The following ITPKB variants were observed in gnomAD, a reference collection of about 807,000 sequenced individuals.
ITPKB encodes the protein IP3 3-kinase B.
ITPKB carries 13 observed loss-of-function variants against 69.4 expected under a neutral mutation model. The observed-to-expected ratio is 0.19, with a 90% CI of 0.12 to 0.30. The LOEUF (loss-of-function observed/expected upper bound fraction) is 0.30, where lower values mean the gene tolerates loss of function less well. ITPKB is among the 10% of genes least tolerant of loss of function. The pLI, the probability that ITPKB is intolerant of heterozygous loss-of-function variation, is 1.00. For synonymous variants in ITPKB, 584 were observed against 513.7 expected (o/e 1.14, Z -1.85); for missense variants, 1,240 against 1,250.5 (o/e 0.99, Z 0.13).
chr1:226,660,787 G>A (rs1490248557), intron 2 of ITPKB, among the ~76,000 whole-genome samples: 1 of 152,234 alleles, frequency 6.6e-6, no homozygotes, highest in East Asian at 1.9e-4. Context: ...GCACGAGGCG[G>A]ATGGGCAGCC....
intron 2 of ITPKB, among the ~76,000 whole-genome samples, chr1:226,682,619 C>A (rs887351363): frequency 5.9e-5 from 9 of 152,160 alleles, no homozygotes; most frequent in African/African-American, 1.9e-4. Context: ...CCATAAGTGA[C>A]ACTTATGATT....
At chr1:226,653,416 G>C (rs1024348308) in intron 2 of ITPKB, among the ~76,000 whole-genome samples, 1 of 152,238 alleles carries the variant, frequency 6.6e-6, no homozygotes, top group Non-Finnish European at 1.5e-5. Flanking sequence ...CAGCCAGGGT[G>C]CCAGCCCAGT....
chr1:226,653,596 G>A lies in ITPKB; in HGVS notation c.1933-4825C>T, dbSNP rs910137182. 1.7e-4 allele frequency among the ~76,000 whole-genome samples: 26 copies of A among 152,358 alleles called. 1 individual carries two copies. Among genetic ancestry groups the A allele is most frequent in the African/African-American group, 6.3e-4 (26 of 41,580 alleles). ...CTCTCCCATGTGTCAGATCAGAGCA[G>A]CCAGACACTTCTAGACTCCGGATGG... On this transcript the variant is annotated intron_variant, in intron 2 of 7. Transcript: ENST00000429204.
At chr1:226,704,479 G>C (rs1410688218) in intron 2 of ITPKB, among the ~76,000 whole-genome samples, 1 of 152,196 alleles carries the variant, frequency 6.6e-6, no homozygotes, top group African/African-American at 2.4e-5. Context: ...AACTCAGCTA[G>C]TTTATTTCCT....
At chr1:226,713,153 G>A (rs973528159) in intron 2 of ITPKB, among the ~76,000 whole-genome samples, 31 of 152,236 alleles carry the variant, frequency 2.0e-4, no homozygotes, top group African/African-American at 7.0e-4. Context: ...TAAGACACCA[G>A]AGGTGAGGAG....
chr1:226,710,363 C>A (rs1190262645), intron 2 of ITPKB, among the ~76,000 whole-genome samples: 2 of 152,158 alleles, frequency 1.3e-5, no homozygotes, highest in African/African-American at 4.8e-5. Flanking sequence ...GGGCCCAGTG[C>A]AAAGTAAAAA....
chr1:226,702,966 A>G (rs1656703986), intron 2 of ITPKB, among the ~76,000 whole-genome samples: 1 of 152,192 alleles, frequency 6.6e-6, no homozygotes, highest in Non-Finnish European at 1.5e-5. Flanking sequence ...GGAAAATCTG[A>G]GCTGGTGTAA....
intron 7 of ITPKB, among the ~76,000 whole-genome samples, chr1:226,636,791 T>TGTGA (rs60188249): frequency 7.0e-5 from 10 of 142,408 alleles, no homozygotes; most frequent in African/African-American, 2.7e-4. Flanking sequence ...TGTGTGTGTG[T>TGTGA]GTGAGACTGG....
At chr1:226,655,812 G>C (rs1179935168) in intron 2 of ITPKB, among the ~76,000 whole-genome samples, 1 of 152,312 alleles carries the variant, frequency 6.6e-6, no homozygotes, top group East Asian at 1.9e-4. Context: ...GTGCAATTTG[G>C]GGTGGGTAGA....
At chr1:226,705,903 A>G (rs1239949276) in intron 2 of ITPKB, among the ~76,000 whole-genome samples, 1 of 152,238 alleles carries the variant, frequency 6.6e-6, no homozygotes, top group Non-Finnish European at 1.5e-5. Context: ...AGTGCTGGGA[A>G]AGCACTTGTA....
At chr1:226,709,179 GA>G (rs1261534108) in intron 2 of ITPKB, among the ~76,000 whole-genome samples, 3 of 152,226 alleles carry the variant, frequency 2.0e-5, no homozygotes, top group African/African-American at 7.2e-5. Context: ...AGAGCTGCCA[GA>G]AAAAGTACAG....
At chr1:226,732,015 A>G (rs550591944) in intron 2 of ITPKB, among the ~76,000 whole-genome samples, 8 of 151,296 alleles carry the variant, frequency 5.3e-5, no homozygotes, top group African/African-American at 1.9e-4. Context: ...ACCACATAAA[A>G]CCATGTTAAA....
chr1:226,635,345 C>G (rs112056490), intron 7 of ITPKB, among the ~76,000 whole-genome samples: 3 of 152,144 alleles, frequency 2.0e-5, no homozygotes, highest in Non-Finnish European at 4.4e-5. Flanking sequence ...CACAGCCTCC[C>G]GAGTAGTTGG....
At chr1:226,725,593 T>G (rs533478003) in intron 2 of ITPKB, among the ~76,000 whole-genome samples, 17 of 152,116 alleles carry the variant, frequency 1.1e-4, no homozygotes, top group Admixed American at 1.0e-3. Flanking sequence ...AACTCTAGAG[T>G]GCAGTGCAGT....
At chr1:226,675,501 G>T (rs1669714571) in intron 2 of ITPKB, among the ~76,000 whole-genome samples, 1 of 152,168 alleles carries the variant, frequency 6.6e-6, no homozygotes, top group Non-Finnish European at 1.5e-5. Flanking sequence ...AACTTGCAAG[G>T]AGCTGTGGGG....
intron 2 of ITPKB, among the ~76,000 whole-genome samples, chr1:226,716,986 G>A (rs796966308): frequency 2.0e-5 from 3 of 152,268 alleles, no homozygotes; most frequent in Admixed American, 6.5e-5. Flanking sequence ...TCATCATACC[G>A]AGGGAGAAAT....
intron 2 of ITPKB, among the ~76,000 whole-genome samples, chr1:226,649,920 TGAA>T (rs1370598370): frequency 6.6e-6 from 1 of 151,454 alleles, no homozygotes; most frequent in Non-Finnish European, 1.5e-5. Flanking sequence ...GCTGCAGAGA[TGAA>T]GATCAAGTGT....
chr1:226,649,542 A>G (rs866294907), intron 2 of ITPKB, among the ~76,000 whole-genome samples: 2 of 149,240 alleles, frequency 1.3e-5, no homozygotes, highest in African/African-American at 5.1e-5. Flanking sequence ...ATGTGTGTGC[A>G]TGCGTGTGTG....
At chr1:226,728,547 G>T (rs1050338734) in intron 2 of ITPKB, among the ~76,000 whole-genome samples, 1 of 152,190 alleles carries the variant, frequency 6.6e-6, no homozygotes, top group Non-Finnish European at 1.5e-5. Context: ...TTGCAAACGT[G>T]TCGTGGTTGA....
Sources: allele counts gnomAD v4.1 joint callset (sites outside exome capture counted in the v4.1 genomes callset), GRCh38; gene constraint gnomAD v4.1.1; transcripts MANE v1.5; gene names NCBI Gene and HGNC (gene_info 2026-07-23, HGNC 2026-07-21).